The following ZBTB16 variants were observed in gnomAD, a reference collection of about 807,000 sequenced individuals.
The protein encoded by ZBTB16 is zinc finger and BTB domain containing 16.
ZBTB16 carries 8 observed loss-of-function variants against 56.8 expected under a neutral mutation model. That is an observed-to-expected ratio of 0.14 (90% CI 0.08 to 0.25). ZBTB16 has a LOEUF of 0.25. ZBTB16 is among the 10% of genes least tolerant of loss of function. ZBTB16 has a pLI of 1.00. For synonymous variants in ZBTB16, 363 were observed against 368.5 expected (o/e 0.98, Z 0.17); for missense variants, 625 against 903.0 (o/e 0.69, Z 3.95).
intron 2 of ZBTB16, among the ~76,000 whole-genome samples, chr11:114,065,301 C>T (rs931467588): frequency 6.6e-5 from 10 of 152,234 alleles, no homozygotes; most frequent in East Asian, 1.9e-4. Context: ...CTCCGGCTTC[C>T]GTTTCCTTCT....
intron 3 of ZBTB16, among the ~76,000 whole-genome samples, chr11:114,162,953 G>A (rs1041146847): frequency 1.3e-5 from 2 of 152,190 alleles, no homozygotes; most frequent in South Asian, 2.1e-4. Flanking sequence ...CTGGCCTGCC[G>A]GCAGGTCTGG....
At chr11:114,146,618 G>A (rs569392247) in intron 2 of ZBTB16, among the ~76,000 whole-genome samples, 8 of 152,138 alleles carry the variant, frequency 5.3e-5, no homozygotes, top group South Asian at 2.1e-4. Flanking sequence ...AGGCCGAGGC[G>A]GGTGGATCGC....
chr11:114,191,769 T>G (rs984498814), intron 4 of ZBTB16, among the ~76,000 whole-genome samples: 2 of 150,006 alleles, frequency 1.3e-5, no homozygotes, highest in Non-Finnish European at 3.0e-5. Context: ...TATACACACA[T>G]GCATGCACGC....
chr11:114,128,431 G>T (rs1164548414), intron 2 of ZBTB16, among the ~76,000 whole-genome samples: 1 of 152,154 alleles, frequency 6.6e-6, no homozygotes, highest in Non-Finnish European at 1.5e-5. Flanking sequence ...AGACAGTCTG[G>T]GGTTTGAATC....
chr11:114,154,276 C>T (rs183986618), intron 2 of ZBTB16, among the ~76,000 whole-genome samples: 11 of 152,292 alleles, frequency 7.2e-5, no homozygotes, highest in Non-Finnish European at 1.5e-4. Flanking sequence ...TTGACAGCCA[C>T]CCTTCAGAAG....
At chr11:114,217,010 A>G (rs1214587181) in intron 4 of ZBTB16, among the ~76,000 whole-genome samples, 1 of 152,228 alleles carries the variant, frequency 6.6e-6, no homozygotes, top group Non-Finnish European at 1.5e-5. Flanking sequence ...GGGGACAGAT[A>G]AGGCTTCTAG....
At chr11:114,195,998 AAAG>A (rs1435327078) in intron 4 of ZBTB16, among the ~76,000 whole-genome samples, 5 of 152,202 alleles carry the variant, frequency 3.3e-5, no homozygotes, top group Non-Finnish European at 7.3e-5. Context: ...AGTGCAGTTG[AAAG>A]AAGTGAGGGC....
intron 2 of ZBTB16, among the ~76,000 whole-genome samples, chr11:114,088,013 G>A (rs1940024300): frequency 6.6e-6 from 1 of 152,096 alleles, no homozygotes; most frequent in Admixed American, 6.6e-5. Context: ...TCATGCTTCA[G>A]TGTAAATGCC....
chr11:114,165,106 C>T (rs898664851), intron 3 of ZBTB16, among the ~76,000 whole-genome samples: 4 of 152,222 alleles, frequency 2.6e-5, no homozygotes, highest in East Asian at 1.9e-4. Context: ...AACCCACCAC[C>T]TCAAAGTTTT....
chr11:114,151,169 C>T (rs1942269692), intron 2 of ZBTB16, among the ~76,000 whole-genome samples: 1 of 152,088 alleles, frequency 6.6e-6, no homozygotes, highest in South Asian at 2.1e-4. Flanking sequence ...ATCAAAAAGC[C>T]CAAAGCATCG....
intron 2 of ZBTB16, among the ~76,000 whole-genome samples, chr11:114,116,116 A>C (rs1941166180): frequency 6.6e-6 from 1 of 152,224 alleles, no homozygotes; most frequent in Admixed American, 6.5e-5. Flanking sequence ...GGGGGCAGAA[A>C]GCTCTAGAAG....
rs1196571838 is a variant in ZBTB16, at chr11:114,206,718, A to G, written c.1453+19680A>G. On this transcript the variant is annotated intron_variant, in intron 4 of 6. Transcript: ENST00000335953. ...ACTATTGCTAGGGAGGAAAACATAC[A>G]TATCTAAAAAGATAAGTAATAAAAC... Among the ~76,000 whole-genome samples the G allele has an allele frequency of 2.6e-5, 4 of 152,260 alleles. No homozygotes were observed. The East Asian group carries it at 7.7e-4, about 29-fold the overall frequency.
In ZBTB16 at chr11:114,064,695, A is replaced by C; in HGVS notation, c.1268+127A>C. ...CTTGGCAATTTGTGAAAAAACCAGA[A>C]CACTTCTTCTAAAGTTCTGGCGGGG... On this transcript the variant is annotated intron_variant, in intron 2 of 6. Transcript: ENST00000335953. The surrounding 1 kb of genome is among the most constrained non-coding windows in gnomAD (Gnocchi z 4.2). 8.0e-7 allele frequency: 1 copy of C among 1,252,506 alleles called. No individual in the cohort carries two copies. The highest frequency in any genetic ancestry group is 1.1e-6 in the Non-Finnish European group (1 of 890,876). 77.6% of individuals were successfully genotyped at this position (1,252,506 alleles called of 1,614,324 possible). A position where few individuals can be genotyped will look rare whatever the true frequency, so the allele number is the denominator to read the frequency against.
intron 4 of ZBTB16, among the ~76,000 whole-genome samples, chr11:114,220,411 G>A (rs1427836552): frequency 6.6e-6 from 1 of 152,190 alleles, no homozygotes; most frequent in Non-Finnish European, 1.5e-5. Context: ...GTGTAAATAT[G>A]TCATGTTCTA....
At chr11:114,170,892 T>C (rs1043960514) in intron 3 of ZBTB16, among the ~76,000 whole-genome samples, 3 of 152,220 alleles carry the variant, frequency 2.0e-5, no homozygotes, top group African/African-American at 7.2e-5. Context: ...TTTGCTAATA[T>C]GAGCCCGGGA....
Position 114,143,420 on chromosome 11 carries a change from G to T in ZBTB16, c.1269-12917G>T, listed in dbSNP as rs554247193. 6.6e-5 allele frequency among the ~76,000 whole-genome samples: 10 copies of T among 152,160 alleles called. No homozygotes were observed. The South Asian group carries it at 1.9e-3, about 28-fold the overall frequency. On this transcript the variant is annotated intron_variant, in intron 2 of 6. Coordinates refer to ENST00000335953, the MANE Select transcript of ZBTB16 (RefSeq NM_006006.6). The surrounding 1 kb of genome is among the most constrained non-coding windows in gnomAD (Gnocchi z 6.4). ...AACACACTTAAAAGACAGAGGCTGG[G>T]GGGGAAAGGGGGTCAGCTTTGAGAG...
chr11:114,129,911 G>C (rs1190048140), intron 2 of ZBTB16, among the ~76,000 whole-genome samples: 1 of 152,146 alleles, frequency 6.6e-6, no homozygotes, highest in Non-Finnish European at 1.5e-5. Flanking sequence ...TGGCTTCTCT[G>C]AGTGCCGCAC....
Position 114,059,729 on chromosome 11 carries a change from G to A in ZBTB16, c.-244G>A. The A allele has an allele frequency of 2.5e-6, 1 of 398,432 alleles. No individual in the cohort carries two copies. The highest frequency in any genetic ancestry group is 4.4e-6 in the Non-Finnish European group (1 of 225,974). The allele number at this position is 398,432 out of a possible 1,614,324, so 24.7% of individuals were successfully genotyped here. ...ACCTCGCAGCAGAGAGGAGTTGAGGGCGATGAGAGCGGGTACTGCGAACTG... is the reference window on the plus strand; with the variant it reads ...ACCTCGCAGCAGAGAGGAGTTGAGGACGATGAGAGCGGGTACTGCGAACTG... On this transcript the variant is annotated 5_prime_UTR_variant, in exon 1 of 7. Transcript: ENST00000335953. The surrounding 1 kb of genome is among the most constrained non-coding windows in gnomAD (Gnocchi z 5.3).
intron 4 of ZBTB16, among the ~76,000 whole-genome samples, chr11:114,220,210 A>C (rs1215059664): frequency 6.6e-6 from 1 of 152,240 alleles, no homozygotes; most frequent in East Asian, 1.9e-4. Flanking sequence ...GGAATAAATC[A>C]GCTCAGGCAG....
Sources: allele counts gnomAD v4.1 joint callset (sites outside exome capture counted in the v4.1 genomes callset), GRCh38; gene constraint gnomAD v4.1.1; non-coding constraint Gnocchi (gnomAD v3.1); transcripts MANE v1.5; gene names NCBI Gene and HGNC (gene_info 2026-07-23, HGNC 2026-07-21).